Variants in ZFP64 observed in about 807,000 individuals in gnomAD.
The protein encoded by ZFP64 is ZFP64 zinc finger protein.
ZFP64 carries 14 observed loss-of-function variants against 51.6 expected under a neutral mutation model. The observed-to-expected ratio is 0.27, with a 90% CI of 0.18 to 0.42. ZFP64 has a LOEUF of 0.42. Ranked by LOEUF, ZFP64 falls within the 10% of genes least tolerant of loss-of-function variation. The probability of loss-of-function intolerance (pLI) is 1.00; values close to 1 mark genes in which losing one functional copy is unlikely to be tolerated. For synonymous variants in ZFP64, 375 were observed against 361.4 expected, an observed-to-expected ratio of 1.04 and a Z score of -0.43; for missense variants, 754 against 906.8, an observed-to-expected ratio of 0.83 and a Z score of 2.16.
At chr20:52,118,663 C>A (rs948931860) in intron 5 of ZFP64, among the ~76,000 whole-genome samples, 9 of 152,184 alleles carry the variant, frequency 5.9e-5, no homozygotes, top group African/African-American at 1.9e-4. Context: ...GCTTTGCTAA[C>A]CTTTGGGAAT....
At chr20:52,143,206 G>T (rs1442018792) in intron 5 of ZFP64, among the ~76,000 whole-genome samples, 2 of 142,832 alleles carry the variant, frequency 1.4e-5, no homozygotes, top group African/African-American at 5.0e-5. Flanking sequence ...TTGCTTTATT[G>T]TGGTGGTCTG....
chr20:52,156,637 T>G (rs1406555642), intron 5 of ZFP64, among the ~76,000 whole-genome samples: 1 of 152,210 alleles, frequency 6.6e-6, no homozygotes, highest in South Asian at 2.1e-4. Context: ...GCTATTACGC[T>G]GCATCACTGT....
chr20:52,105,141 C>A, intron 5 of ZFP64: 1 of 1,434,088 alleles, frequency 7.0e-7, no homozygotes, highest in East Asian at 2.7e-5. Flanking sequence ...CCCGGCTCCC[C>A]CGCCACCTGC....
intron 4 of ZFP64, among the ~76,000 whole-genome samples, chr20:52,163,964 AC>A (rs1982034280): frequency 6.6e-6 from 1 of 152,224 alleles, no homozygotes; most frequent in Admixed American, 6.5e-5. Context: ...TTTCTAAATT[AC>A]AAAAATAACA....
chr20:52,099,005 C>CAAA lies in ZFP64; in HGVS notation c.764-421_764-419dup, dbSNP rs58670484. 9.0e-3 allele frequency among the ~76,000 whole-genome samples: 1,048 copies of CAAA among 116,610 alleles called. 28 individuals are homozygous for CAAA. The highest frequency in any genetic ancestry group is 0.03 in the African/African-American group (940 of 31,044). The allele number at this position is 116,610 out of a possible 152,430, so 76.5% of individuals were successfully genotyped here. A position where few individuals can be genotyped will look rare whatever the true frequency, so the allele number is the denominator to read the frequency against. On this transcript the variant is annotated intron_variant, in intron 5 of 8. Coordinates refer to the ZFP64 transcript ENST00000361387. ...CAACAGAGCAAGACTCTGTCTTTAC[C>CAAA]AAAAAAAAAAAAAAAAAGCAAGCCA...
intron 4 of ZFP64, among the ~76,000 whole-genome samples, chr20:52,162,619 T>C (rs1317469260): frequency 6.6e-6 from 1 of 152,078 alleles, no homozygotes; most frequent in Non-Finnish European, 1.5e-5. Context: ...AGAGCGAGAC[T>C]CTGTCTCAAA....
chr20:52,190,546 C>A (rs995654448), intron 1 of ZFP64, among the ~76,000 whole-genome samples: 1 of 152,214 alleles, frequency 6.6e-6, no homozygotes, highest in South Asian at 2.1e-4. Context: ...ACAGTCCCCC[C>A]TCCCCGCCAG....
At chr20:52,183,781 A>C (rs971425386) in intron 2 of ZFP64, among the ~76,000 whole-genome samples, 1 of 152,212 alleles carries the variant, frequency 6.6e-6, no homozygotes, top group Non-Finnish European at 1.5e-5. Flanking sequence ...TAAGAAAAAA[A>C]CCCACAAAAC....
chr20:52,135,012 G>A (rs1029989959), intron 5 of ZFP64, among the ~76,000 whole-genome samples: 60 of 151,946 alleles, frequency 3.9e-4, no homozygotes, highest in African/African-American at 1.3e-3. Flanking sequence ...AAAGGTGCAC[G>A]CCACTGCACC....
chr20:52,177,095 C>G (rs557002918), intron 2 of ZFP64, among the ~76,000 whole-genome samples: 1 of 151,922 alleles, frequency 6.6e-6, no homozygotes, highest in East Asian at 1.9e-4. Flanking sequence ...TGTTGAGCAC[C>G]TATTGTGAAC....
chr20:52,151,419 C>T lies in ZFP64; in HGVS notation c.*727G>A, dbSNP rs931393366. ...TGCCAACAGACTTACATGTATAAAA[C>T]ATGAACACCCCCAAACTCTGGGGAG... On this transcript the variant is annotated 3_prime_UTR_variant, in exon 6 of 6. Coordinates refer to ENST00000216923, the MANE Select transcript of ZFP64 (RefSeq NM_018197.3). 8.1e-6 allele frequency: 8 copies of T among 985,146 alleles called. No individual in the cohort carries two copies. Among genetic ancestry groups the T allele is most frequent in the Non-Finnish European group, 9.6e-6 (8 of 829,932 alleles). 61.0% of individuals were successfully genotyped at this position (985,146 alleles called of 1,614,324 possible).
chr20:52,175,870 G>GGGCCC, intron 2 of ZFP64: 3 of 346,460 alleles, frequency 8.7e-6, no homozygotes, highest in Non-Finnish European at 1.0e-5. Context: ...TGCCGCCCCC[G>GGGCCC]CCCCCAAAAT....
At chr20:52,131,671 G>A (rs1029093345) in intron 5 of ZFP64, among the ~76,000 whole-genome samples, 20 of 152,078 alleles carry the variant, frequency 1.3e-4, no homozygotes, top group Admixed American at 2.6e-4. Flanking sequence ...AAAAGATATC[G>A]CAGTTTTAAA....
intron 7 of ZFP64, among the ~76,000 whole-genome samples, chr20:52,090,660 T>G (rs968607548): frequency 2.0e-5 from 3 of 151,800 alleles, no homozygotes; most frequent in Non-Finnish European, 4.4e-5. Flanking sequence ...TTAGCTGGGC[T>G]TGGTGATGCA....
exon 9 of ZFP64, chr20:52,084,245 T>G (rs906247487): frequency 3.8e-5 from 12 of 317,952 alleles, no homozygotes; most frequent in East Asian, 1.7e-4. Flanking sequence ...GTTTTAAAAT[T>G]GGAATCCGTT....
Position 52,085,357 on chromosome 20 carries a change from A to G in ZFP64, c.1229-91T>C, listed in dbSNP as rs2078853410. ...CCTTAGCACACTTGGCCGCCATGAGATGGTTGGGTTTTGTGAACTCTAAAC... is the reference window on the plus strand; with the variant it reads ...CCTTAGCACACTTGGCCGCCATGAGGTGGTTGGGTTTTGTGAACTCTAAAC... On this transcript the variant is annotated intron_variant, in intron 8 of 8. Coordinates refer to the ZFP64 transcript ENST00000361387. This position sits in a 1 kb window ranked among gnomAD's most constrained non-coding sequence, Gnocchi z 4.3. 4.3e-6 allele frequency: 6 copies of G among 1,383,842 alleles called. No individual in the cohort carries two copies. Among genetic ancestry groups the G allele is most frequent in the Non-Finnish European group, 5.8e-6 (6 of 1,031,704 alleles). The allele number at this position is 1,383,842 out of a possible 1,614,324, so 85.7% of individuals were successfully genotyped here.
chr20:52,130,411 C>CT (rs1979667692), intron 5 of ZFP64, among the ~76,000 whole-genome samples: 1 of 151,854 alleles, frequency 6.6e-6, no homozygotes, highest in Non-Finnish European at 1.5e-5. Flanking sequence ...AGGGGGTCTC[C>CT]TTATGTTGTC....
chr20:52,090,538 C>T (rs2078911989), intron 7 of ZFP64, among the ~76,000 whole-genome samples: 1 of 152,134 alleles, frequency 6.6e-6, no homozygotes, highest in Admixed American at 6.6e-5. Flanking sequence ...TGGTGGCTCA[C>T]ACCTGTAATC....
rs776313644 is a variant in ZFP64, at chr20:52,084,810, C to G, written c.1685G>C (p.Gly562Ala). ...GTGCTGGGAGCTGCCCTCTCTGAGC[C>G]CTTCCTTGCCCAGAGGGGCCCGGTT... Residue 562 changes from glycine to alanine, a missense_variant, in exon 9 of 9, where the codon GGG (glycine) becomes GCG (alanine). Transcript: ENST00000361387. 6.9e-5 allele frequency: 112 copies of G among 1,614,060 alleles called. No individual in the cohort carries two copies. Among genetic ancestry groups the G allele is most frequent in the Non-Finnish European group, 9.2e-5 (108 of 1,180,058 alleles).
Sources: allele counts gnomAD v4.1 joint callset (sites outside exome capture counted in the v4.1 genomes callset), GRCh38; gene constraint gnomAD v4.1.1; non-coding constraint Gnocchi (gnomAD v3.1); transcripts MANE v1.5; gene names NCBI Gene and HGNC (gene_info 2026-07-23, HGNC 2026-07-21).